The following PLEK2 variants were observed in gnomAD, a reference collection of about 807,000 sequenced individuals.
The protein encoded by PLEK2 is pleckstrin 2, also known as pleckstrin-2.
PLEK2 carries 29 observed loss-of-function variants against 43.8 expected under a neutral mutation model. That is an observed-to-expected ratio of 0.66 (90% confidence interval 0.49 to 0.90). The LOEUF (loss-of-function observed/expected upper bound fraction) is 0.90. Among genes scored for constraint, PLEK2 ranks in the 40% least tolerant of loss-of-function variants. PLEK2 has a pLI of 0.00. For missense variants in PLEK2, 398 were observed against 448.1 expected (o/e 0.89, Z 1.01); for synonymous variants, 162 against 173.2 (o/e 0.94, Z 0.51).
At chr14:67,401,815 C>T (rs1270067392) in intron 1 of PLEK2, among the ~76,000 whole-genome samples, 1 of 152,028 alleles carries the variant, frequency 6.6e-6, no homozygotes, top group Non-Finnish European at 1.5e-5. Flanking sequence ...ATGCAACCAA[C>T]AGATATCGGG....
At chr14:67,401,310 G>C (rs1490411100) in intron 1 of PLEK2, among the ~76,000 whole-genome samples, 3 of 151,966 alleles carry the variant, frequency 2.0e-5, no homozygotes, top group Non-Finnish European at 4.4e-5. Flanking sequence ...AACATAGGAA[G>C]ACCTCATCTC....
intron 1 of PLEK2, among the ~76,000 whole-genome samples, chr14:67,405,028 G>C (rs2086069931): frequency 6.6e-6 from 1 of 151,472 alleles, no homozygotes. Context: ...GAGGTCAGAA[G>C]TTCAAGACCA....
chr14:67,387,413 A>G lies in PLEK2; in HGVS notation c.978T>C (p.Thr326=). Residue 326 remains threonine (T), a synonymous_variant, in exon 9 of 9, where the codon ACT becomes ACC. Coordinates refer to ENST00000216446, the MANE Select transcript of PLEK2 (RefSeq NM_016445.3). ...NVQGNLFKVI[T]KDDTHYYIQA... ...GAATGTAATAGTGTGTGTCATCCTT[A>G]GTAATCACTTTGAAGAGGTTTCCCT... The G allele has an allele frequency of 6.2e-7, 1 of 1,610,354 alleles. No individual in the cohort carries two copies. The highest frequency in any genetic ancestry group is 8.5e-7 in the Non-Finnish European group (1 of 1,178,562).
At chr14:67,401,823 G>A (rs986407192) in intron 1 of PLEK2, among the ~76,000 whole-genome samples, 9 of 151,948 alleles carry the variant, frequency 5.9e-5, no homozygotes, top group Middle Eastern at 3.2e-3. Flanking sequence ...AACAGATATC[G>A]GGCAGAAAAT....
At chr14:67,398,272 T>A (rs927890968) in intron 1 of PLEK2, among the ~76,000 whole-genome samples, 6 of 152,208 alleles carry the variant, frequency 3.9e-5, no homozygotes, top group Admixed American at 1.3e-4. Context: ...AGAGACAGGC[T>A]GGAGTACAGT....
Position 67,387,185 on chromosome 14 carries a change from T to C in PLEK2, c.*144A>G, listed in dbSNP as rs1219842189. The C allele has an allele frequency of 4.2e-6, 3 of 712,638 alleles. No individual in the cohort carries two copies. The highest frequency in any genetic ancestry group is 3.7e-5 in the African/African-American group (2 of 53,546). The allele number at this position is 712,638 out of a possible 1,614,324, so 44.1% of individuals were successfully genotyped here. Reference sequence around the variant, plus strand: ...GAAATGGCACCACTGCTGTTTGTAATCTGAGGAACTCTTGGCAGCATTCAC... The same window carrying C: ...GAAATGGCACCACTGCTGTTTGTAACCTGAGGAACTCTTGGCAGCATTCAC... On this transcript the variant is annotated 3_prime_UTR_variant, in exon 9 of 9. Coordinates refer to ENST00000216446, the MANE Select transcript of PLEK2 (RefSeq NM_016445.3).
Position 67,388,237 on chromosome 14 carries a change from A to G in PLEK2, c.921T>C (p.Asn307=). 9 of 1,612,496 alleles carry G rather than the reference A, an allele frequency of 5.6e-6. No individual in the cohort carries two copies. The highest frequency in any genetic ancestry group is 7.6e-6 in the Non-Finnish European group (9 of 1,178,570). ...GTTGTACCTTACCAGTGGGAACGCCATTATCTTCCAGAGCAGACACGAGTG... is the reference window on the plus strand; with the variant it reads ...GTTGTACCTTACCAGTGGGAACGCCGTTATCTTCCAGAGCAGACACGAGTG... The part of the protein sequence containing the change: ...RGSLVSALED[N]GVPTGVKGNV... Residue 307 remains asparagine (N), a synonymous_variant, in exon 8 of 9, where the codon AAT becomes AAC. Coordinates refer to ENST00000216446, the MANE Select transcript of PLEK2 (RefSeq NM_016445.3).
At chr14:67,410,653 G>A (rs77774273) in intron 1 of PLEK2, among the ~76,000 whole-genome samples, 3,435 of 152,290 alleles carry the variant, frequency 0.023, 40 homozygotes, top group Middle Eastern at 0.034. Context: ...GACACATTTT[G>A]TGGGGAAAAT....
intron 7 of PLEK2, among the ~76,000 whole-genome samples, chr14:67,389,735 C>A (rs1239473587): frequency 6.6e-6 from 1 of 151,432 alleles, no homozygotes; most frequent in African/African-American, 2.4e-5. Flanking sequence ...TTAGGCTAGA[C>A]CATGGTGAGA....
intron 6 of PLEK2, among the ~76,000 whole-genome samples, chr14:67,391,577 G>A (rs963984537): frequency 6.6e-6 from 1 of 152,186 alleles, no homozygotes; most frequent in African/African-American, 2.4e-5. Flanking sequence ...TCCGAGTAAC[G>A]ATGGGAGTGG....
chr14:67,397,435 G>C (rs1188336133), intron 2 of PLEK2, among the ~76,000 whole-genome samples: 1 of 152,200 alleles, frequency 6.6e-6, no homozygotes, highest in East Asian at 1.9e-4. Context: ...GAGACACTCA[G>C]GGGTAATTAT....
At chr14:67,397,185 C>A (rs2086017547) in intron 2 of PLEK2, among the ~76,000 whole-genome samples, 1 of 152,180 alleles carries the variant, frequency 6.6e-6, no homozygotes, top group African/African-American at 2.4e-5. Flanking sequence ...GCAATCTGCC[C>A]ATCTCGGCCT....
At chr14:67,393,298 G>T in intron 3 of PLEK2, 57 bp from the exon 4 acceptor site, 1 of 1,200,904 alleles carries the variant, frequency 8.3e-7, no homozygotes, top group East Asian at 2.3e-5. Flanking sequence ...CAGGTATAAG[G>T]GAGGGTCCTG....
At chr14:67,395,679 A>G (rs2086003363) in intron 2 of PLEK2, 96 bp from the exon 3 acceptor site, 2 of 918,946 alleles carry the variant, frequency 2.2e-6, no homozygotes, top group Non-Finnish European at 3.4e-6. Context: ...TCTAGGTGAC[A>G]GTGACTGCCA....
intron 6 of PLEK2, among the ~76,000 whole-genome samples, chr14:67,391,322 C>T (rs1595655172): frequency 6.8e-6 from 1 of 146,304 alleles, no homozygotes; most frequent in South Asian, 2.2e-4. Context: ...TTTGGCCTCA[C>T]TGACCAGGAG....
At chr14:67,395,064 A>G (rs1342365025) in intron 3 of PLEK2, among the ~76,000 whole-genome samples, 1 of 152,166 alleles carries the variant, frequency 6.6e-6, no homozygotes, top group Non-Finnish European at 1.5e-5. Flanking sequence ...GTATTCTGTT[A>G]TAAGTAACAG....
chr14:67,409,557 A>G (rs757566020), intron 1 of PLEK2, among the ~76,000 whole-genome samples: 115 of 152,250 alleles, frequency 7.6e-4, no homozygotes, highest in Non-Finnish European at 3.2e-4. Context: ...TTCTCCCAGG[A>G]AAAGCACTCC....
At chr14:67,410,702 C>T (rs879576266) in intron 1 of PLEK2, among the ~76,000 whole-genome samples, 23 of 152,276 alleles carry the variant, frequency 1.5e-4, no homozygotes, top group Middle Eastern at 6.8e-3. Context: ...CCAGCCACCC[C>T]GGGAGGCAAT....
chr14:67,402,295 G>T (rs1038388012), intron 1 of PLEK2, among the ~76,000 whole-genome samples: 1 of 151,846 alleles, frequency 6.6e-6, no homozygotes, highest in South Asian at 2.1e-4. Flanking sequence ...TTTAATTTTT[G>T]TGGGTACATA....
Sources: allele counts gnomAD v4.1 joint callset (sites outside exome capture counted in the v4.1 genomes callset), GRCh38; gene constraint gnomAD v4.1.1; transcripts MANE v1.5; gene names NCBI Gene and HGNC (gene_info 2026-07-23, HGNC 2026-07-21).